KATNIP: variants seen among roughly 807,000 people sequenced by gnomAD.
KATNIP encodes katanin interacting protein, also known as katanin-interacting protein.
In KATNIP, 126 loss-of-function variants were observed where a neutral mutation model predicts 174.0. That is an observed-to-expected ratio of 0.72 (90% CI 0.63 to 0.84). The LOEUF is 0.84. Ranked by LOEUF, KATNIP falls within the 40% of genes least tolerant of loss-of-function variation. KATNIP has a pLI of 0.00. For missense variants in KATNIP, 1,958 were observed against 2,109.7 expected (o/e 0.93, Z 1.41); for synonymous variants, 810 against 835.7 (o/e 0.97, Z 0.53).
In KATNIP at chr16:27,779,357, G is replaced by T. The variant is rs1466876562; in HGVS notation, c.*728G>T. ...AGCTGGGCCCACTCTGGCAGGCCAG[G>T]GTATCATCTGCGTGCTGCTGCCGGG... On this transcript the variant is annotated 3_prime_UTR_variant, in exon 28 of 28. Transcript: ENST00000261588. 1 of 152,554 alleles carries T rather than the reference G, an allele frequency of 6.6e-6. No homozygotes were observed. Among genetic ancestry groups the T allele is most frequent in the East Asian group, 1.9e-4 (1 of 5,202 alleles). The allele number at this position is 152,554 out of a possible 1,614,324, so 9.5% of individuals were successfully genotyped here.
intron 14 of KATNIP, among the ~76,000 whole-genome samples, chr16:27,739,127 G>T (rs1158691169): frequency 3.3e-5 from 5 of 152,176 alleles, no homozygotes; most frequent in Admixed American, 1.3e-4. Flanking sequence ...CTCTGGTAGA[G>T]ACCCTGGTGG....
chr16:27,719,161 G>C (rs1022249692), intron 13 of KATNIP, among the ~76,000 whole-genome samples: 3 of 152,212 alleles, frequency 2.0e-5, no homozygotes, highest in Non-Finnish European at 4.4e-5. Flanking sequence ...CAGACTCAAT[G>C]CCTACAGGGG....
chr16:27,611,490 C>T lies in KATNIP; in HGVS notation c.64-6935C>T, dbSNP rs546296800. On this transcript the variant is annotated intron_variant, in intron 2 of 27. Coordinates refer to ENST00000261588, the MANE Select transcript of KATNIP (RefSeq NM_015202.5). ...GTGCTAAGTCAACCTTAGCAATTATCGTCATAGAGCTGGACAGCGGTGAAG... is the reference window on the plus strand; with the variant it reads ...GTGCTAAGTCAACCTTAGCAATTATTGTCATAGAGCTGGACAGCGGTGAAG... Among the ~76,000 whole-genome samples, 156 of 152,298 alleles carry T rather than the reference C, an allele frequency of 1.0e-3. 1 individual carries two copies. The highest frequency in any genetic ancestry group is 3.3e-3 in the African/African-American group (139 of 41,580).
intron 2 of KATNIP, among the ~76,000 whole-genome samples, chr16:27,581,571 G>A (rs2090698400): frequency 6.6e-6 from 1 of 152,104 alleles, no homozygotes. Context: ...AAGGACTTGG[G>A]GGTATATCTA....
chr16:27,696,478 G>C (rs2078915651), intron 8 of KATNIP, among the ~76,000 whole-genome samples: 1 of 151,986 alleles, frequency 6.6e-6, no homozygotes, highest in East Asian at 1.9e-4. Flanking sequence ...TATTTTTTCT[G>C]GTCCTCTCCT....
intron 1 of KATNIP, among the ~76,000 whole-genome samples, chr16:27,567,721 A>C (rs1297215172): frequency 2.0e-5 from 3 of 152,082 alleles, no homozygotes; most frequent in Admixed American, 6.5e-5. Flanking sequence ...ACGGGGTTTC[A>C]CCATGTTGGT....
chr16:27,561,287 T>C (rs1171989178), intron 1 of KATNIP, among the ~76,000 whole-genome samples: 7 of 151,836 alleles, frequency 4.6e-5, no homozygotes, highest in East Asian at 1.9e-4. Context: ...CCTCCCAAAG[T>C]GTTGGGATTA....
chr16:27,642,769 ATTTTT>A (rs143123046), intron 5 of KATNIP, among the ~76,000 whole-genome samples: 2 of 125,588 alleles, frequency 1.6e-5, no homozygotes, highest in Non-Finnish European at 3.5e-5. Context: ...TTTTTAAAAA[ATTTTT>A]TTTTTTTTTT....
chr16:27,586,878 G>A (rs2090922254), intron 2 of KATNIP, among the ~76,000 whole-genome samples: 1 of 146,988 alleles, frequency 6.8e-6, no homozygotes, highest in African/African-American at 2.5e-5. Flanking sequence ...ATAAGTATAA[G>A]GAAGTTCAAT....
intron 1 of KATNIP, among the ~76,000 whole-genome samples, chr16:27,568,968 T>A (rs890699267): frequency 1.6e-4 from 25 of 152,248 alleles, no homozygotes; most frequent in African/African-American, 5.8e-4. Flanking sequence ...CCCTCCCACC[T>A]GAAGAGGATA....
intron 8 of KATNIP, among the ~76,000 whole-genome samples, chr16:27,696,705 A>G (rs949188927): frequency 1.3e-5 from 2 of 150,426 alleles, no homozygotes; most frequent in African/African-American, 2.4e-5. Context: ...TCCGTGGTGT[A>G]TTCTATAGTA....
intron 2 of KATNIP, among the ~76,000 whole-genome samples, chr16:27,601,766 A>G (rs1224094598): frequency 6.6e-6 from 1 of 152,132 alleles, no homozygotes; most frequent in Non-Finnish European, 1.5e-5. Flanking sequence ...AGCACAAGGA[A>G]TATGTGTAGG....
rs752123072 is a variant in KATNIP at position 27,740,887 on chromosome 16, A to C, written c.2590A>C (p.Ser864Arg). The change falls in exon 15 of 28, where the codon AGT becomes CGT. Residue 864 changes from serine to arginine, a missense_variant. Physicochemically the swap from Ser to Arg is moderately radical, Grantham distance 110. Coordinates refer to ENST00000261588, the MANE Select transcript of KATNIP (RefSeq NM_015202.5). ...GGGCTCAAGGAAGGATGCTGGCAGC[A>C]GTAGTCATGGGGACGACCAGCCAGC... Reference protein sequence around the residue: ...RRGSRKDAGSSSHGDDQPASR... With the variant: ...RRGSRKDAGSRSHGDDQPASR... 9 of 1,604,874 alleles carry C rather than the reference A, an allele frequency of 5.6e-6. No homozygotes were observed. Among genetic ancestry groups the C allele is most frequent in the African/African-American group, 1.3e-5 (1 of 74,880 alleles).
chr16:27,632,741 T>C, intron 5 of KATNIP: 1 of 393,098 alleles, frequency 2.5e-6, no homozygotes, highest in Non-Finnish European at 5.2e-6. Context: ...AAAGGGCTGA[T>C]TTCTTTCTTT....
rs554649069 is a variant in KATNIP at position 27,720,737 on chromosome 16, T to C, written c.1606-821T>C. The stretch of plus-strand genomic sequence containing the variant: ...CAGATTGAGAAGGTTAAGAAGAGAA[T>C]TGCAAGCAAGCAGAGGCCCAGCCTG... On this transcript the variant is annotated intron_variant, in intron 13 of 27. Coordinates refer to ENST00000261588, the MANE Select transcript of KATNIP (RefSeq NM_015202.5). 4.6e-5 allele frequency among the ~76,000 whole-genome samples: 7 copies of C among 152,134 alleles called. No homozygotes were observed. The South Asian group carries it at 1.0e-3, about 23-fold the overall frequency.
In KATNIP at chr16:27,707,288, TG is replaced by T. The variant is rs776785329; in HGVS notation, c.1390-1415del. Among the ~76,000 whole-genome samples the T allele has an allele frequency of 1.6e-3, 237 of 152,206 alleles. 1 individual carries two copies. Among genetic ancestry groups the T allele is most frequent in the Non-Finnish European group, 3.0e-3 (204 of 68,020 alleles). ...CACCATTTTGTGAGTGACTGATCCG[TG>T]GCGACCAGTGCTGCAATCAGCCCTG... On this transcript the variant is annotated intron_variant, in intron 12 of 27. Coordinates refer to ENST00000261588, the MANE Select transcript of KATNIP (RefSeq NM_015202.5).
At chr16:27,623,518 G>A (rs1268336899) in intron 3 of KATNIP, among the ~76,000 whole-genome samples, 1 of 152,032 alleles carries the variant, frequency 6.6e-6, no homozygotes, top group Non-Finnish European at 1.5e-5. Context: ...GGAGTGCATT[G>A]GTGTGATCAT....
rs368789866 is a variant in KATNIP at position 27,743,778 on chromosome 16, A to G, written c.2623+2858A>G. On this transcript the variant is annotated intron_variant, in intron 15 of 27. Transcript: ENST00000261588. ...GGGTTAAAGCAGGACTGGAACCCGC[A>G]CAGATCAGCTCTACCATACATGTTT... 1.2e-4 allele frequency among the ~76,000 whole-genome samples: 19 copies of G among 152,276 alleles called. No individual in the cohort carries two copies. In the East Asian group the frequency reaches 2.1e-3, roughly 17 times the overall value.
At chr16:27,595,408 G>C (rs994865566) in intron 2 of KATNIP, among the ~76,000 whole-genome samples, 6 of 152,184 alleles carry the variant, frequency 3.9e-5, no homozygotes, top group Non-Finnish European at 5.9e-5. Context: ...TACACACACA[G>C]AAAACCAGAT....
Sources: allele counts gnomAD v4.1 joint callset (sites outside exome capture counted in the v4.1 genomes callset), GRCh38; gene constraint gnomAD v4.1.1; transcripts MANE v1.5; gene names NCBI Gene and HGNC (gene_info 2026-07-23, HGNC 2026-07-21).